ZEB1: variants seen among roughly 807,000 people sequenced by gnomAD.
ZEB1 encodes zinc finger E-box-binding homeobox 1.
Under a neutral mutation model 84.9 loss-of-function variants are expected in ZEB1, and 21 were observed. The ratio of observed to expected loss-of-function variants is 0.25; its 90% CI spans 0.18 to 0.36. ZEB1 has a LOEUF of 0.36. Among genes scored for constraint, ZEB1 ranks in the 10% least tolerant of loss-of-function variants. ZEB1 has a pLI of 1.00. For synonymous variants in ZEB1, 420 were observed against 471.1 expected, an observed-to-expected ratio of 0.89 and a Z score of 1.41; for missense variants, 1,104 against 1,330.2, an observed-to-expected ratio of 0.83 and a Z score of 2.65.
chr10:31,524,190 A>G, intron 8 of ZEB1, 77 bp downstream of exon 8: 1 of 1,419,704 alleles, frequency 7.0e-7, no homozygotes, highest in Non-Finnish European at 9.7e-7. Context: ...CTAAAGTTTT[A>G]GAATTTTCTT....
chr10:31,405,290 A>G (rs966523621), intron 1 of ZEB1, among the ~76,000 whole-genome samples: 3 of 152,176 alleles, frequency 2.0e-5, no homozygotes, highest in African/African-American at 7.2e-5. Flanking sequence ...AAATTTTCTT[A>G]TGGAAGTGTC....
chr10:31,322,917 G>C (rs1048215027), intron 1 of ZEB1, among the ~76,000 whole-genome samples: 1 of 152,038 alleles, frequency 6.6e-6, no homozygotes, highest in African/African-American at 2.4e-5. Context: ...TATTGGTGTG[G>C]TAGCATCATA....
chr10:31,450,387 T>TG (rs1436065844), intron 1 of ZEB1, among the ~76,000 whole-genome samples: 1 of 152,042 alleles, frequency 6.6e-6, no homozygotes, highest in Non-Finnish European at 1.5e-5. Context: ...GGAAAGCTGT[T>TG]GATTTTTTTC....
chr10:31,423,109 C>T (rs1278385840), intron 1 of ZEB1, among the ~76,000 whole-genome samples: 2 of 151,650 alleles, frequency 1.3e-5, no homozygotes, highest in Non-Finnish European at 2.9e-5. Context: ...AGAATTCTTC[C>T]AATAAAATAT....
chr10:31,500,845 C>T (rs966929934), intron 3 of ZEB1, among the ~76,000 whole-genome samples: 6 of 152,176 alleles, frequency 3.9e-5, no homozygotes, highest in Non-Finnish European at 5.9e-5. Flanking sequence ...TTTTAAAAGT[C>T]TTCGCTTACC....
chr10:31,472,099 A>G (rs1373647314), intron 2 of ZEB1, among the ~76,000 whole-genome samples: 4 of 151,370 alleles, frequency 2.6e-5, no homozygotes, highest in Non-Finnish European at 2.9e-5. Flanking sequence ...AATGCCCACA[A>G]GAGAAAGCAG....
intron 1 of ZEB1, among the ~76,000 whole-genome samples, chr10:31,418,725 T>G (rs1473156804): frequency 6.6e-6 from 1 of 152,076 alleles, no homozygotes; most frequent in Admixed American, 6.6e-5. Flanking sequence ...TGACTGGTAG[T>G]AGCAATAGGT....
Position 31,472,956 on chromosome 10 carries a change from A to G in ZEB1, c.259+11719A>G, listed in dbSNP as rs1263208950. On this transcript the variant is annotated intron_variant, in intron 2 of 8. Transcript: ENST00000424869. The stretch of plus-strand genomic sequence containing the variant: ...CATATAAACAGAGCCAAAGACAAAA[A>G]CCACATGATTATCTCAATAGATGCA... Among the ~76,000 whole-genome samples, 106 of 127,942 alleles carry G rather than the reference A, an allele frequency of 8.3e-4. No individual in the cohort carries two copies. In the Middle Eastern group the frequency reaches 0.014, roughly 17 times the overall value. 83.9% of individuals were successfully genotyped at this position (127,942 alleles called of 152,430 possible). A position where few individuals can be genotyped will look rare whatever the true frequency, so the allele number is the denominator to read the frequency against.
intron 1 of ZEB1, chr10:31,375,007 A>G (rs945646017): frequency 6.7e-6 from 1 of 149,158 alleles, no homozygotes; most frequent in African/African-American, 2.5e-5. Flanking sequence ...ATATCTTTTT[A>G]TCTTTTTAAA....
intron 1 of ZEB1, among the ~76,000 whole-genome samples, chr10:31,411,958 A>G (rs73260075): frequency 0.015 from 2,356 of 152,148 alleles, 57 homozygotes; most frequent in African/African-American, 0.053. Flanking sequence ...ATTTTTTTTG[A>G]AAATTTGTAA....
intron 1 of ZEB1, among the ~76,000 whole-genome samples, chr10:31,349,419 T>G (rs1189414098): frequency 3.3e-5 from 5 of 152,160 alleles, no homozygotes; most frequent in Non-Finnish European, 7.4e-5. Flanking sequence ...TGATTTCATT[T>G]CTTTTGTATT....
chr10:31,372,956 G>C, intron 1 of ZEB1: 2 of 969,646 alleles, frequency 2.1e-6, no homozygotes, highest in East Asian at 2.3e-4. Context: ...TTCCAGTTTA[G>C]AGTTATTGCT....
intron 1 of ZEB1, among the ~76,000 whole-genome samples, chr10:31,385,350 T>G (rs2135029525): frequency 6.6e-6 from 1 of 152,222 alleles, no homozygotes; most frequent in South Asian, 2.1e-4. Context: ...ATTTTCAGAT[T>G]TTGGGGTCAA....
chr10:31,505,121 T>C (rs1316866229), intron 4 of ZEB1, among the ~76,000 whole-genome samples: 3 of 152,152 alleles, frequency 2.0e-5, no homozygotes, highest in Non-Finnish European at 4.4e-5. Context: ...CATCTTTGCA[T>C]CCCTGGGATA....
At chr10:31,396,478 A>G (rs2050748623) in intron 1 of ZEB1, among the ~76,000 whole-genome samples, 1 of 152,234 alleles carries the variant, frequency 6.6e-6, no homozygotes, top group Non-Finnish European at 1.5e-5. Context: ...ACAAATAGGC[A>G]GGATTTGAAC....
chr10:31,404,524 A>G (rs2052616102), intron 1 of ZEB1, among the ~76,000 whole-genome samples: 1 of 152,180 alleles, frequency 6.6e-6, no homozygotes, highest in Non-Finnish European at 1.5e-5. Flanking sequence ...TGAAAAAAAT[A>G]CATATTTAGT....
chr10:31,336,057 A>G (rs1332136379), intron 1 of ZEB1, among the ~76,000 whole-genome samples: 1 of 152,188 alleles, frequency 6.6e-6, no homozygotes, highest in African/African-American at 2.4e-5. Flanking sequence ...ATTGGCAGAC[A>G]TAAAGATCTA....
rs573417733 is a variant in ZEB1, at chr10:31,356,998, C to T, written c.58+37706C>T. Among the ~76,000 whole-genome samples the T allele has an allele frequency of 3.3e-5, 5 of 152,122 alleles. No individual in the cohort carries two copies. In the East Asian group the frequency reaches 5.8e-4, roughly 18 times the overall value. On this transcript the variant is annotated intron_variant, in intron 1 of 8. Transcript: ENST00000424869. The stretch of plus-strand genomic sequence containing the variant: ...TGACAATAACTCTACAGGGCAAAAT[C>T]GACCTGTTAAATATATTTGGCCCAT...
intron 1 of ZEB1, among the ~76,000 whole-genome samples, chr10:31,439,308 C>T (rs223572): frequency 0.078 from 11,861 of 152,100 alleles, 657 homozygotes; most frequent in African/African-American, 0.16. Context: ...CATATGTATG[C>T]ATATTTGCAT....
Sources: allele counts gnomAD v4.1 joint callset (sites outside exome capture counted in the v4.1 genomes callset), GRCh38; gene constraint gnomAD v4.1.1; transcripts MANE v1.5; gene names NCBI Gene and HGNC (gene_info 2026-07-23, HGNC 2026-07-21).